Variants in DOK7 observed in about 807,000 individuals in gnomAD.
DOK7 encodes the protein protein Dok-7.
DOK7 carries 32 observed loss-of-function variants against 30.7 expected under a neutral mutation model. The ratio of observed to expected loss-of-function variants is 1.04; its 90% CI spans 0.79 to 1.40. The LOEUF (loss-of-function observed/expected upper bound fraction) is 1.40, where lower values mean the gene tolerates loss of function less well. DOK7 is among the 40% of genes most tolerant of loss of function. The probability of loss-of-function intolerance (pLI) is 0.00; values close to 1 mark genes in which losing one functional copy is unlikely to be tolerated. For missense variants in DOK7, 1,007 were observed against 699.2 expected, an observed-to-expected ratio of 1.44 and a Z score of -4.97; for synonymous variants, 447 against 324.1, an observed-to-expected ratio of 1.38 and a Z score of -4.07.
downstream of DOK7, chr4:3,496,696 G>A (rs1013364702): frequency 9.3e-7 from 1 of 1,069,684 alleles, no homozygotes; most frequent in Non-Finnish European, 1.3e-6. Context: ...ACTCCCTGCA[G>A]GTGACCCAGG....
downstream of DOK7, chr4:3,496,956 AG>A (rs1389806867): frequency 5.3e-4 from 13 of 24,612 alleles, no homozygotes; most frequent in African/African-American, 5.4e-3. Flanking sequence ...CTAGATGGGG[AG>A]GGGGGAGGGT....
At chr4:3,474,031 T>G (rs746395706) in intron 3 of DOK7, among the ~76,000 whole-genome samples, 113 of 115,118 alleles carry the variant, frequency 9.8e-4, no homozygotes, top group Admixed American at 2.1e-3. Context: ...CAAAACAGGA[T>G]GGGAGGGAGG....
At chr4:3,500,000 G>T (rs1013379882) in intron 6 of DOK7, among the ~76,000 whole-genome samples, 12 of 151,872 alleles carry the variant, frequency 7.9e-5, no homozygotes, top group Non-Finnish European at 1.5e-4. Context: ...CGGCACAGTG[G>T]AGGGGACAGC....
At chr4:3,492,309 G>A (rs1411678441) in intron 6 of DOK7, among the ~76,000 whole-genome samples, 1 of 152,032 alleles carries the variant, frequency 6.6e-6, no homozygotes, top group East Asian at 1.9e-4. Flanking sequence ...GTCCAGGCTG[G>A]CAGGGCCTGG....
Position 3,490,591 on chromosome 4 carries a change from C to A in DOK7, c.772+795C>A, listed in dbSNP as rs1329463339. ...TTTTTCCTTCTCTCTCTGCTCATTC[C>A]TTCATTTCTTCTCTCCCTGCTCGTT... On this transcript the variant is annotated intron_variant, in intron 6 of 6. Coordinates refer to ENST00000340083, the MANE Select transcript of DOK7 (RefSeq NM_173660.5). Among the ~76,000 whole-genome samples, 82 of 121,500 alleles carry A rather than the reference C, an allele frequency of 6.7e-4. 1 individual carries two copies. The highest frequency in any genetic ancestry group is 6.0e-3 in the Middle Eastern group (1 of 168). The allele number at this position is 121,500 out of a possible 152,430, so 79.7% of individuals were successfully genotyped here.
intron 6 of DOK7, among the ~76,000 whole-genome samples, chr4:3,491,415 T>TGCTCACCCCAGC (rs879561937): frequency 0.3 from 43,319 of 143,286 alleles, 7,230 homozygotes; most frequent in South Asian, 0.46. Flanking sequence ...AGCTTCCTTC[T>TGCTCACCCCAGC]TTCCTTCTTC....
rs1373297781 is a variant in DOK7 at position 3,473,532 on chromosome 4, A to G, written c.227A>G (p.His76Arg). 1 of 1,611,012 alleles carries G rather than the reference A, an allele frequency of 6.2e-7. No individual in the cohort carries two copies. The highest frequency in any genetic ancestry group is 1.3e-5 in the African/African-American group (1 of 75,000). Reference protein sequence around the residue: ...EPGLPYEGLVHTLAIVCLSQA... With the variant: ...EPGLPYEGLVRTLAIVCLSQA... Reference sequence around the variant, plus strand: ...GGCCTGCCCTACGAGGGCCTGGTCCACACGCTGGCCATTGTCTGCCTGTCC... The same window carrying G: ...GGCCTGCCCTACGAGGGCCTGGTCCGCACGCTGGCCATTGTCTGCCTGTCC... Residue 76 changes from histidine (H) to arginine (R), a missense_variant, in exon 3 of 7, where the codon CAC becomes CGC. His to Arg is a conservative substitution (Grantham distance 29). Transcript: ENST00000340083.
exon 8 of DOK7, chr4:3,500,873 C>T: frequency 1.4e-6 from 2 of 1,478,980 alleles, no homozygotes; most frequent in Non-Finnish European, 8.9e-7. Flanking sequence ...CTGTGCGGCC[C>T]CGTGGCCCCC....
Position 3,492,988 on chromosome 4 carries a change from C to T in DOK7, c.1002C>T (p.Ser334=). The T allele has an allele frequency of 6.4e-7, 1 of 1,557,456 alleles. No individual in the cohort carries two copies. The highest frequency in any genetic ancestry group is 1.2e-5 in the South Asian group (1 of 85,790). The change falls in exon 7 of 7, where the codon AGC becomes AGT. Residue 334 remains serine, a synonymous_variant. Coordinates refer to ENST00000340083, the MANE Select transcript of DOK7 (RefSeq NM_173660.5). ...AGCTGCAGGAGGTTGGCCGCCAGAG[C>T]TCCTCGGACAGCGGCATCGCCACTG... ...PRQLQEVGRQ[S]SSDSGIATGS... is the part of the protein sequence containing the mutation.
At position 3,489,941 on chromosome 4, in the gene DOK7, C is replaced by T. The variant is rs867601308; in HGVS notation, c.772+145C>T. 9.2e-6 allele frequency: 12 copies of T among 1,306,396 alleles called. No individual in the cohort carries two copies. The African/African-American group carries it at 1.3e-4, about 15-fold the overall frequency. The allele number at this position is 1,306,396 out of a possible 1,614,324, so 80.9% of individuals were successfully genotyped here. ...TCTGTCTCCTGCTCATTCATTCTTC[C>T]CCCAACTCCCCGCCCCGCCCGCTAC... On this transcript the variant is annotated intron_variant, in intron 6 of 6. Transcript: ENST00000340083.
Position 3,490,232 on chromosome 4 carries a change from TTCATTCCTTCCTTTTCTCCCTGC to T in DOK7, c.772+443_772+465del, listed in dbSNP as rs893540382. ...ATTCATTCCTGTCTTCACCCCCTCA[TTCATTCCTTCCTTTTCTCCCTGC>T]TCATTCATTCCTTCCTTCCCCACCT... On this transcript the variant is annotated intron_variant, in intron 6 of 6. Coordinates refer to ENST00000340083, the MANE Select transcript of DOK7 (RefSeq NM_173660.5). 7.6e-5 allele frequency among the ~76,000 whole-genome samples: 5 copies of T among 65,586 alleles called. No individual in the cohort carries two copies. In the East Asian group the frequency reaches 2.9e-3, roughly 38 times the overall value. 43.0% of individuals were successfully genotyped at this position (65,586 alleles called of 152,430 possible). A position where few individuals can be genotyped will look rare whatever the true frequency, so the allele number is the denominator to read the frequency against.
intron 5 of DOK7, among the ~76,000 whole-genome samples, chr4:3,486,287 C>G (rs897636219): frequency 6.6e-6 from 1 of 152,172 alleles, no homozygotes; most frequent in Non-Finnish European, 1.5e-5. Context: ...CGGTGGGGCT[C>G]CCCAGGTCGG....
At chr4:3,473,076 C>T (rs1206149287) in intron 2 of DOK7, among the ~76,000 whole-genome samples, 1 of 150,548 alleles carries the variant, frequency 6.6e-6, no homozygotes, top group East Asian at 1.9e-4. Flanking sequence ...GATCCTGCAG[C>T]CCTCAGTGTG....
rs933281789 is a variant in DOK7 at position 3,500,226 on chromosome 4, G to C, written c.1109-25G>C. The C allele has an allele frequency of 2.6e-6, 4 of 1,533,862 alleles. No individual in the cohort carries two copies. The South Asian group carries it at 4.8e-5, about 18-fold the overall frequency. The stretch of plus-strand genomic sequence containing the variant: ...CTGTGCCCCTCTCGGTCCCCACCGG[G>C]GCTTCACAGCCGCTCCCCCCACAGG... On this transcript the variant is annotated intron_variant, in intron 6 of 7. Transcript: ENST00000643608.
rs547260655 is a variant in DOK7, at chr4:3,489,339, C to T, written c.653-338C>T. On this transcript the variant is annotated intron_variant, in intron 5 of 6. Coordinates refer to ENST00000340083, the MANE Select transcript of DOK7 (RefSeq NM_173660.5). ...GCCGGCCCTGGGGATGGGGGAGGGG[C>T]TGGTCATTTTTTGGAACAGAAAATT... 1.9e-4 allele frequency among the ~76,000 whole-genome samples: 29 copies of T among 152,208 alleles called. 2 individuals are homozygous for T. In the East Asian group the frequency reaches 4.1e-3, roughly 21 times the overall value.
chr4:3,493,218 T>G lies in DOK7; in HGVS notation c.1232T>G (p.Leu411Arg). 1 of 1,611,850 alleles carries G rather than the reference T, an allele frequency of 6.2e-7. No homozygotes were observed. The highest frequency in any genetic ancestry group is 8.5e-7 in the Non-Finnish European group (1 of 1,179,620). The stretch of plus-strand genomic sequence containing the variant: ...GCCCACTATGACACACCACGCAGCC[T>G]TTGCCTGGCTCCTAGAGACCACAGC... ...LRAHYDTPRS[L>R]CLAPRDHSPP... Residue 411 changes from leucine to arginine, a missense_variant, in exon 7 of 7, where the codon CTT (leucine) becomes CGT (arginine). Physicochemically the swap from Leu to Arg is moderately radical, Grantham distance 102. Transcript: ENST00000340083.
rs372936791 is a variant in DOK7 at position 3,482,878 on chromosome 4, C to T, written c.533-2661C>T. 2.0e-4 allele frequency among the ~76,000 whole-genome samples: 31 copies of T among 151,800 alleles called. 7 individuals are homozygous for T. The highest frequency in any genetic ancestry group is 1.2e-3 in the South Asian group (6 of 4,822). ...GCTTGTGCTCCCTGCCGGCAAGGTG[C>T]TCAGCCTGGCAGCCGGGACGGCAGC... On this transcript the variant is annotated intron_variant, in intron 4 of 6. Transcript: ENST00000340083.
rs901110999 is a variant in DOK7 at position 3,493,551 on chromosome 4, G to A, written c.*50G>A. ...TGCAAAGGGGCTGAATTTGCCCCCA[G>A]ATGGCAGAGGAAGTGGCGCCAGCCT... On this transcript the variant is annotated 3_prime_UTR_variant, in exon 7 of 7. Transcript: ENST00000340083. The A allele has an allele frequency of 3.1e-6, 5 of 1,591,672 alleles. No individual in the cohort carries two copies. The African/African-American group carries it at 4.0e-5, about 13-fold the overall frequency.
chr4:3,463,578 GGCGC>G, intron 2 of DOK7, 27 bp downstream of exon 2: 1 of 1,521,476 alleles, frequency 6.6e-7, no homozygotes, highest in Non-Finnish European at 8.8e-7. Context: ...GGGGACGGGG[GGCGC>G]GGGGGTAGCG....
Sources: gnomAD v4.1 joint callset for allele counts (sites outside exome capture counted in the v4.1 genomes callset) on GRCh38, gnomAD v4.1.1 for gene constraint, MANE v1.5 for transcripts, NCBI Gene and HGNC (gene_info 2026-07-23, HGNC 2026-07-21) for gene names.